Variants in LMO7 observed in about 807,000 individuals in gnomAD.
The protein encoded by LMO7 is LIM domain 7, also known as LIM domain only protein 7.
Under a neutral mutation model 206.5 loss-of-function variants are expected in LMO7, and 120 were observed. That is an observed-to-expected ratio of 0.58 (90% CI 0.50 to 0.68). The LOEUF is 0.68. LMO7 is among the 30% of genes least tolerant of loss of function. The pLI is 0.00. For missense variants in LMO7, 1,959 were observed against 1,957.9 expected (o/e 1.00, Z -0.01); for synonymous variants, 706 against 681.5 (o/e 1.04, Z -0.56).
intron 1 of LMO7, among the ~76,000 whole-genome samples, chr13:75,686,860 G>GA (rs1293345886): frequency 6.6e-6 from 1 of 152,092 alleles, no homozygotes; most frequent in Non-Finnish European, 1.5e-5. Context: ...GGAAGTGAGG[G>GA]ACCACTTCCT....
Position 75,810,576 on chromosome 13 carries a change from C to G in LMO7, c.1946+1393C>G, listed in dbSNP as rs1295164151. Among the ~76,000 whole-genome samples, 5 of 152,240 alleles carry G rather than the reference C, an allele frequency of 3.3e-5. 1 individual carries two copies. The East Asian group carries it at 9.6e-4, about 29-fold the overall frequency. On this transcript the variant is annotated intron_variant, in intron 11 of 30. Transcript: ENST00000377534. ...ATGATGCTTAAACATTTGCTACTCT[C>G]AAGTCATAGGAAAGCTGTTTTAACT...
At chr13:75,655,148 G>A (rs898905929) in intron 1 of LMO7, among the ~76,000 whole-genome samples, 2 of 152,208 alleles carry the variant, frequency 1.3e-5, no homozygotes, top group African/African-American at 4.8e-5. Context: ...TGGGATTACA[G>A]GCGTGAGCCA....
chr13:75,685,020 C>T (rs545066867), intron 1 of LMO7, among the ~76,000 whole-genome samples: 25 of 152,274 alleles, frequency 1.6e-4, no homozygotes, highest in Admixed American at 3.9e-4. Flanking sequence ...TGGTGAATTC[C>T]GCCTATCTTT....
chr13:75,702,943 C>T (rs1237631242), intron 1 of LMO7, among the ~76,000 whole-genome samples: 1 of 152,200 alleles, frequency 6.6e-6, no homozygotes, highest in African/African-American at 2.4e-5. Context: ...TGGTGACAAG[C>T]TTTCAACTTT....
At chr13:75,704,968 T>C (rs1346273167) in intron 1 of LMO7, among the ~76,000 whole-genome samples, 4 of 152,372 alleles carry the variant, frequency 2.6e-5, no homozygotes, top group South Asian at 4.1e-4. Flanking sequence ...AATATTTATC[T>C]GATAGATATT....
chr13:75,705,816 C>T (rs1566329821), intron 1 of LMO7, among the ~76,000 whole-genome samples: 2 of 151,784 alleles, frequency 1.3e-5, no homozygotes, highest in Admixed American at 6.5e-5. Flanking sequence ...AAACAACCTA[C>T]TTTCACTATG....
At chr13:75,653,175 G>A (rs570324530) in intron 1 of LMO7, among the ~76,000 whole-genome samples, 42 of 151,886 alleles carry the variant, frequency 2.8e-4, no homozygotes, top group South Asian at 1.2e-3. Flanking sequence ...GCCCCTTCAA[G>A]GAAAAAAAAG....
chr13:75,857,932 A>G lies in LMO7; in HGVS notation c.4885A>G (p.Thr1629Ala). 2 of 1,602,054 alleles carry G rather than the reference A, an allele frequency of 1.2e-6. No homozygotes were observed. Among genetic ancestry groups the G allele is most frequent in the Non-Finnish European group, 1.7e-6 (2 of 1,174,924 alleles). ...CYLRFKSGRPTAM is the reference protein window; with the variant it reads ...CYLRFKSGRPAAM The stretch of plus-strand genomic sequence containing the variant: ...CCTTGCCCGATCAGCTGGACGGCCA[A>G]CCGCCATGTGATGTAAGCCTCCATA... The change falls in exon 31 of 31, where the codon ACC becomes GCC. Residue 1629 changes from threonine to alanine, a missense_variant. By Grantham distance (58) the Thr-to-Ala change is moderately conservative. Transcript: ENST00000377534.
At chr13:75,778,512 G>A (rs531655039) in intron 4 of LMO7, among the ~76,000 whole-genome samples, 55 of 152,366 alleles carry the variant, frequency 3.6e-4, no homozygotes, top group African/African-American at 1.2e-3. Context: ...GATTACAGGC[G>A]TGAGCCACTG....
chr13:75,767,574 C>CAA (rs35515814), intron 4 of LMO7, among the ~76,000 whole-genome samples: 9 of 150,860 alleles, frequency 6.0e-5, no homozygotes, highest in Admixed American at 1.3e-4. Context: ...CTGCCCTCCT[C>CAA]AAAAAAAAAG....
intron 7 of LMO7, among the ~76,000 whole-genome samples, chr13:75,802,739 A>G (rs2054922258): frequency 6.6e-6 from 1 of 152,182 alleles, no homozygotes; most frequent in African/African-American, 2.4e-5. Context: ...GCGGGGAAAA[A>G]AAGCCTGGGA....
chr13:75,719,489 T>A (rs1371234596), intron 2 of LMO7, among the ~76,000 whole-genome samples: 2 of 152,152 alleles, frequency 1.3e-5, no homozygotes, highest in African/African-American at 4.8e-5. Flanking sequence ...GGGAGGGACC[T>A]GATGGGAGGT....
At chr13:75,670,258 A>G (rs2039443591) in intron 1 of LMO7, among the ~76,000 whole-genome samples, 1 of 152,216 alleles carries the variant, frequency 6.6e-6, no homozygotes, top group Admixed American at 6.5e-5. Flanking sequence ...ACACATCCTC[A>G]TGTCCTTAAA....
Position 75,678,873 on chromosome 13 carries a change from G to A in LMO7, c.70-34309G>A, listed in dbSNP as rs79927918. On this transcript the variant is annotated intron_variant, in intron 1 of 30. Coordinates refer to ENST00000377534, the MANE Select transcript of LMO7 (RefSeq NM_001306080.2). ...AATTTCTTTCTTGTCTTTCCAGCTA[G>A]GTGAAACTGTTCATGACAGGAAGCA... Among the ~76,000 whole-genome samples, 505 of 152,270 alleles carry A rather than the reference G, an allele frequency of 3.3e-3. 4 individuals are homozygous for A. The highest frequency in any genetic ancestry group is 0.012 in the African/African-American group (486 of 41,540).
At chr13:75,620,930 T>A (rs1047997860) in exon 1 of LMO7, 26 of 151,260 alleles carry the variant, frequency 1.7e-4, no homozygotes, top group African/African-American at 6.3e-4. Context: ...CAAAAAAAAA[T>A]ACATTATTAG....
At chr13:75,638,719 G>T (rs1271110867) in intron 1 of LMO7, among the ~76,000 whole-genome samples, 1 of 152,072 alleles carries the variant, frequency 6.6e-6, no homozygotes, top group African/African-American at 2.4e-5. Flanking sequence ...TGTTTCTCCA[G>T]TGTCCACATC....
intron 11 of LMO7, 145 bp downstream of exon 11, chr13:75,809,328 A>C (rs2141106685): frequency 3.0e-6 from 2 of 656,540 alleles, no homozygotes; most frequent in Non-Finnish European, 5.3e-6. Context: ...TTTATCTTGC[A>C]ACCTAATGGT....
chr13:75,753,664 G>A (rs2047452326), intron 3 of LMO7, among the ~76,000 whole-genome samples: 3 of 152,088 alleles, frequency 2.0e-5, no homozygotes, highest in South Asian at 4.1e-4. Context: ...TTTATAAGGG[G>A]CTCTTCCCCT....
upstream of LMO7, among the ~76,000 whole-genome samples, chr13:75,634,831 C>T (rs1386682744): frequency 2.6e-5 from 4 of 151,380 alleles, no homozygotes; most frequent in Non-Finnish European, 4.4e-5. Context: ...TATGGTGAAA[C>T]CCCGTCTCTA....
Sources: allele counts gnomAD v4.1 joint callset (sites outside exome capture counted in the v4.1 genomes callset), GRCh38; gene constraint gnomAD v4.1.1; transcripts MANE v1.5; gene names NCBI Gene and HGNC (gene_info 2026-07-23, HGNC 2026-07-21).